The following BMF variants were observed in gnomAD, a reference collection of about 807,000 sequenced individuals.
BMF encodes the protein Bcl2 modifying factor.
In BMF, 10 loss-of-function variants were observed where a neutral mutation model predicts 22.0. That is an observed-to-expected ratio of 0.45 (90% confidence interval 0.28 to 0.77). The LOEUF (loss-of-function observed/expected upper bound fraction) is 0.77, where lower values mean the gene tolerates loss of function less well. BMF is among the 30% of genes least tolerant of loss of function. The probability of loss-of-function intolerance (pLI) is 0.13; values close to 1 mark genes in which losing one functional copy is unlikely to be tolerated. For synonymous variants in BMF, 87 were observed against 88.1 expected (o/e 0.99, Z 0.07); for missense variants, 206 against 226.8 (o/e 0.91, Z 0.59).
At chr15:40,091,929 A>C in intron 4 of BMF, 41 bp from the exon 5 acceptor site, 6 of 1,435,238 alleles carry the variant, frequency 4.2e-6, no homozygotes, top group Non-Finnish European at 5.8e-6. Flanking sequence ...TAACTCCCAA[A>C]CGCAATCTTA....
intron 4 of BMF, among the ~76,000 whole-genome samples, chr15:40,096,756 CT>C (rs1419873709): frequency 6.6e-6 from 1 of 152,202 alleles, no homozygotes; most frequent in African/African-American, 2.4e-5. Context: ...ATCTGCTCCC[CT>C]AGTATGCTTA....
intron 4 of BMF, 69 bp downstream of exon 4, chr15:40,104,111 G>A (rs563850602): frequency 8.2e-6 from 13 of 1,582,974 alleles, no homozygotes; most frequent in African/African-American, 1.3e-5. Context: ...CTGACAAGAG[G>A]AGAGAGGCAG....
chr15:40,100,803 C>T (rs1371111057), intron 4 of BMF, among the ~76,000 whole-genome samples: 3 of 152,200 alleles, frequency 2.0e-5, no homozygotes, highest in African/African-American at 7.2e-5. Flanking sequence ...TTCATGGCAT[C>T]AGCACGCCCC....
At position 40,089,452 on chromosome 15, in the gene BMF, G is replaced by A. The variant is rs1455954042; in HGVS notation, c.*2335C>T. 1 of 152,280 alleles carries A rather than the reference G, an allele frequency of 6.6e-6. No individual in the cohort carries two copies. Among genetic ancestry groups the A allele is most frequent in the Non-Finnish European group, 1.5e-5 (1 of 68,052 alleles). 9.4% of individuals were successfully genotyped at this position (152,280 alleles called of 1,614,324 possible). ...TGCCCTGGCTCACTTAAGACAGTGAGTGAGTTCCTGGCTTTGCATAAGATG... is the reference window on the plus strand; with the variant it reads ...TGCCCTGGCTCACTTAAGACAGTGAATGAGTTCCTGGCTTTGCATAAGATG... On this transcript the variant is annotated 3_prime_UTR_variant, in exon 5 of 5. Transcript: ENST00000354670.
At chr15:40,103,565 C>T (rs983630594) in intron 4 of BMF, among the ~76,000 whole-genome samples, 1 of 152,228 alleles carries the variant, frequency 6.6e-6, no homozygotes, top group Non-Finnish European at 1.5e-5. Context: ...TGGTGCCAGG[C>T]TGCCGGCCAA....
Position 40,089,864 on chromosome 15 carries a change from A to G in BMF, c.*1923T>C, listed in dbSNP as rs1365749159. 6.6e-6 allele frequency: 1 copy of G among 152,558 alleles called. No homozygotes were observed. Among genetic ancestry groups the G allele is most frequent in the East Asian group, 1.9e-4 (1 of 5,198 alleles). The allele number at this position is 152,558 out of a possible 1,614,324, so 9.5% of individuals were successfully genotyped here. A position where few individuals can be genotyped will look rare whatever the true frequency, so the allele number is the denominator to read the frequency against. ...TTTCACAATGGTCAGTGTGTCCCAG[A>G]GCCAGTCTTCAAGCTGGTCCCCGGC... On this transcript the variant is annotated 3_prime_UTR_variant, in exon 5 of 5. Transcript: ENST00000354670.
Position 40,091,493 on chromosome 15 carries a change from C to T in BMF, c.*294G>A, listed in dbSNP as rs1477762310. On this transcript the variant is annotated 3_prime_UTR_variant, in exon 5 of 5. Coordinates refer to ENST00000354670, the MANE Select transcript of BMF (RefSeq NM_001003940.2). ...ATCATCTTCGACAACTGGTAGATTC[C>T]TCAGTCGAAGAATCTACTTGTCAGA... The T allele has an allele frequency of 6.7e-6, 2 of 298,156 alleles. No individual in the cohort carries two copies. The highest frequency in any genetic ancestry group is 1.2e-5 in the Non-Finnish European group (2 of 160,034). The allele number at this position is 298,156 out of a possible 1,614,324, so 18.5% of individuals were successfully genotyped here. A position where few individuals can be genotyped will look rare whatever the true frequency, so the allele number is the denominator to read the frequency against.
intron 4 of BMF, 142 bp downstream of exon 4, chr15:40,104,038 A>T: frequency 8.9e-7 from 1 of 1,122,020 alleles, no homozygotes; most frequent in South Asian, 1.4e-5. Context: ...CCTCCTGCCC[A>T]TGGGAACCGC....
At position 40,089,390 on chromosome 15, in the gene BMF, G is replaced by C. The variant is rs1472100261; in HGVS notation, c.*2397C>G. ...GCTACCTCCTGGGTTTTGTTGGTGG[G>C]GAAGAAGGGAGAGGGAAACGTGAGG... On this transcript the variant is annotated 3_prime_UTR_variant, in exon 5 of 5. Coordinates refer to ENST00000354670, the MANE Select transcript of BMF (RefSeq NM_001003940.2). 1 of 152,288 alleles carries C rather than the reference G, an allele frequency of 6.6e-6. No individual in the cohort carries two copies. Among genetic ancestry groups the C allele is most frequent in the East Asian group, 1.9e-4 (1 of 5,202 alleles). 9.4% of individuals were successfully genotyped at this position (152,288 alleles called of 1,614,324 possible).
At chr15:40,103,476 C>T (rs533666563) in intron 4 of BMF, among the ~76,000 whole-genome samples, 12 of 152,242 alleles carry the variant, frequency 7.9e-5, no homozygotes, top group Non-Finnish European at 1.5e-5. Context: ...TCCTCCAGCA[C>T]GAGCCTGCCA....
In BMF at chr15:40,088,557, G is replaced by C. The variant is rs1267072754; in HGVS notation, c.*3230C>G. On this transcript the variant is annotated 3_prime_UTR_variant, in exon 5 of 5. Transcript: ENST00000354670. Reference sequence around the variant, plus strand: ...TGCTCACTGGGGTAGCATGCTCCTTGCTGTCCAGGACAGTCACCGTGGCTC... The same window carrying C: ...TGCTCACTGGGGTAGCATGCTCCTTCCTGTCCAGGACAGTCACCGTGGCTC... The C allele has an allele frequency of 6.6e-6, 1 of 152,354 alleles. No individual in the cohort carries two copies. 9.4% of individuals were successfully genotyped at this position (152,354 alleles called of 1,614,324 possible). A position where few individuals can be genotyped will look rare whatever the true frequency, so the allele number is the denominator to read the frequency against.
At position 40,091,485 on chromosome 15, in the gene BMF, G is replaced by C. The variant is rs1281589730; in HGVS notation, c.*302C>G. 3.5e-6 allele frequency: 1 copy of C among 282,626 alleles called. No homozygotes were observed. Among genetic ancestry groups the C allele is most frequent in the Non-Finnish European group, 6.7e-6 (1 of 150,288 alleles). 17.5% of individuals were successfully genotyped at this position (282,626 alleles called of 1,614,324 possible). A position where few individuals can be genotyped will look rare whatever the true frequency, so the allele number is the denominator to read the frequency against. On this transcript the variant is annotated 3_prime_UTR_variant, in exon 5 of 5. Coordinates refer to ENST00000354670, the MANE Select transcript of BMF (RefSeq NM_001003940.2). ...ACTAACGGATCATCTTCGACAACTG[G>C]TAGATTCCTCAGTCGAAGAATCTAC...
chr15:40,096,428 G>A lies in BMF; in HGVS notation c.454-4540C>T, dbSNP rs144769503. Among the ~76,000 whole-genome samples the A allele has an allele frequency of 5.2e-4, 79 of 152,312 alleles. No homozygotes were observed. The East Asian group carries it at 0.014, about 26-fold the overall frequency. ...TCAGAGGAAGAAGCAAAGCGAAGCC[G>A]TGTGCAGCTCTAAAAGAACCTAACT... On this transcript the variant is annotated intron_variant, in intron 4 of 4. Coordinates refer to ENST00000354670, the MANE Select transcript of BMF (RefSeq NM_001003940.2).
intron 4 of BMF, among the ~76,000 whole-genome samples, chr15:40,102,166 C>T (rs758447832): frequency 2.6e-5 from 4 of 152,148 alleles, no homozygotes; most frequent in South Asian, 2.1e-4. Flanking sequence ...CAGTGGCTCA[C>T]GCCTGTAGTC....
At position 40,090,124 on chromosome 15, in the gene BMF, G is replaced by T. The variant is rs1208338792; in HGVS notation, c.*1663C>A. 6.6e-6 allele frequency: 1 copy of T among 152,438 alleles called. No individual in the cohort carries two copies. 9.4% of individuals were successfully genotyped at this position (152,438 alleles called of 1,614,324 possible). ...TTGGGAGAAGTAGCCCCACACCAGG[G>T]CACGCACACAGCTTAGTGAGCAGAA... On this transcript the variant is annotated 3_prime_UTR_variant, in exon 5 of 5. Transcript: ENST00000354670.
intron 4 of BMF, among the ~76,000 whole-genome samples, chr15:40,099,646 GTGCA>G (rs1479492963): frequency 6.6e-6 from 1 of 152,050 alleles, no homozygotes; most frequent in Non-Finnish European, 1.5e-5. Flanking sequence ...AGGCATGGTG[GTGCA>G]TGCCTGTAAT....
At position 40,106,479 on chromosome 15, in the gene BMF, T is replaced by C. The variant is rs2036589725; in HGVS notation, c.-5-388A>G. The C allele has an allele frequency of 5.7e-6, 1 of 176,610 alleles. No homozygotes were observed. Among genetic ancestry groups the C allele is most frequent in the Non-Finnish European group, 1.2e-5 (1 of 83,690 alleles). The allele number at this position is 176,610 out of a possible 1,614,324, so 10.9% of individuals were successfully genotyped here. ...CAAGACTAGCCTCTGTAAGTTGCTGTCAAGGGTGCTGTGACTGGCTATACA... is the reference window on the plus strand; with the variant it reads ...CAAGACTAGCCTCTGTAAGTTGCTGCCAAGGGTGCTGTGACTGGCTATACA... On this transcript the variant is annotated intron_variant, in intron 2 of 4. Coordinates refer to ENST00000354670, the MANE Select transcript of BMF (RefSeq NM_001003940.2). The surrounding 1 kb of genome is among the most constrained non-coding windows in gnomAD (Gnocchi z 4.1).
chr15:40,098,601 G>A (rs1325408424), intron 4 of BMF, among the ~76,000 whole-genome samples: 2 of 152,206 alleles, frequency 1.3e-5, no homozygotes, highest in African/African-American at 4.8e-5. Flanking sequence ...CAGGCAAGGA[G>A]GAAGGATGGA....
intron 4 of BMF, among the ~76,000 whole-genome samples, chr15:40,099,935 G>A (rs2036442255): frequency 6.6e-6 from 1 of 152,120 alleles, no homozygotes; most frequent in Admixed American, 6.5e-5. Context: ...TCAACTGAGT[G>A]GCTGAAAGTT....
Sources: gnomAD v4.1 joint callset for allele counts (sites outside exome capture counted in the v4.1 genomes callset) on GRCh38, gnomAD v4.1.1 for gene constraint, Gnocchi (gnomAD v3.1) non-coding constraint, MANE v1.5 for transcripts, NCBI Gene and HGNC (gene_info 2026-07-23, HGNC 2026-07-21) for gene names.